EIF4ENIF1: variants seen among roughly 807,000 people sequenced by gnomAD.
EIF4ENIF1 encodes eukaryotic translation initiation factor 4E transporter.
EIF4ENIF1 carries 23 observed loss-of-function variants against 110.5 expected under a neutral mutation model. The ratio of observed to expected loss-of-function variants is 0.21; its 90% CI spans 0.15 to 0.29. The LOEUF is 0.29. EIF4ENIF1 is among the 10% of genes least tolerant of loss of function. EIF4ENIF1 has a pLI of 1.00. For synonymous variants in EIF4ENIF1, 440 were observed against 437.0 expected (o/e 1.01, Z -0.09); for missense variants, 1,031 against 1,221.1 (o/e 0.84, Z 2.32).
intron 4 of EIF4ENIF1, chr22:31,464,305 T>G: frequency 4.3e-6 from 1 of 230,026 alleles, no homozygotes; most frequent in Non-Finnish European, 8.5e-6. Context: ...TTTGAAAAAA[T>G]AACTGCTTAA....
At chr22:31,471,775 AT>A in intron 3 of EIF4ENIF1, 68 bp downstream of exon 3, 3 of 1,348,650 alleles carry the variant, frequency 2.2e-6, no homozygotes, top group Admixed American at 4.6e-5. Context: ...ACAATTCTTA[AT>A]TTACCAAGTT....
intron 2 of EIF4ENIF1, among the ~76,000 whole-genome samples, chr22:31,474,859 G>A (rs1203555836): frequency 6.6e-6 from 1 of 152,080 alleles, no homozygotes; most frequent in Non-Finnish European, 1.5e-5. Context: ...TTGCAAAAAA[G>A]CACATACCAC....
At chr22:31,467,396 G>C (rs2051226172) in intron 4 of EIF4ENIF1, among the ~76,000 whole-genome samples, 1 of 152,058 alleles carries the variant, frequency 6.6e-6, no homozygotes, top group African/African-American at 2.4e-5. Context: ...ATATTACCTG[G>C]TCTCCATTTC....
chr22:31,442,799 T>C (rs1471174526), intron 16 of EIF4ENIF1, among the ~76,000 whole-genome samples, 163 bp downstream of exon 16: 2 of 152,182 alleles, frequency 1.3e-5, no homozygotes, highest in African/African-American at 4.8e-5. Context: ...CCAATTCTTC[T>C]CACTGTCACA....
intron 1 of EIF4ENIF1, 137 bp downstream of exon 1, chr22:31,489,557 G>A (rs1433614502): frequency 3.6e-5 from 5 of 140,642 alleles, no homozygotes; most frequent in Admixed American, 7.1e-5. Flanking sequence ...TCGCGCCCCT[G>A]CCCACCCCCT....
intron 2 of EIF4ENIF1, chr22:31,479,360 CAAGAG>C (rs1006370697): frequency 5.9e-5 from 9 of 151,810 alleles, no homozygotes; most frequent in Admixed American, 1.3e-4. Flanking sequence ...CATGCCTGGA[CAAGAG>C]AAGAGTCTTT....
rs747824280 is a variant in EIF4ENIF1 at position 31,450,896 on chromosome 22, A to ACACACACAC, written c.1513-537_1513-536insGTGTGTGTG. ...ACACACACACACACACACACACACA[A>ACACACACAC]AAGAGACAGGGTCTTGTTCTGTTGC... On this transcript the variant is annotated intron_variant, in intron 10 of 18. Coordinates refer to ENST00000330125, the MANE Select transcript of EIF4ENIF1 (RefSeq NM_019843.4). The ACACACACAC allele has an allele frequency of 1.3e-3, 145 of 115,432 alleles. 1 individual carries two copies. The highest frequency in any genetic ancestry group is 7.8e-3 in the East Asian group (26 of 3,354). The allele number at this position is 115,432 out of a possible 1,614,324, so 7.2% of individuals were successfully genotyped here. A position where few individuals can be genotyped will look rare whatever the true frequency, so the allele number is the denominator to read the frequency against.
intron 2 of EIF4ENIF1, among the ~76,000 whole-genome samples, chr22:31,485,377 G>A (rs1318609485): frequency 1.3e-5 from 2 of 152,086 alleles, no homozygotes; most frequent in African/African-American, 4.8e-5. Flanking sequence ...CCTACCCTAA[G>A]AAAGAGAAAT....
upstream of EIF4ENIF1, chr22:31,490,069 G>A (rs984723005): frequency 3.3e-5 from 5 of 152,292 alleles, no homozygotes; most frequent in African/African-American, 1.2e-4. Flanking sequence ...GGTGGGGATA[G>A]CGGAAACCCG....
At chr22:31,454,955 T>C (rs568000784) in intron 9 of EIF4ENIF1, among the ~76,000 whole-genome samples, 181 bp downstream of exon 9, 26 of 152,294 alleles carry the variant, frequency 1.7e-4, no homozygotes, top group Middle Eastern at 6.8e-3. Context: ...CATGACCCAC[T>C]GTGAGATTCT....
intron 13 of EIF4ENIF1, among the ~76,000 whole-genome samples, chr22:31,447,776 G>A (rs751722998): frequency 2.0e-5 from 3 of 152,158 alleles, no homozygotes; most frequent in Non-Finnish European, 4.4e-5. Flanking sequence ...AACCTTCACT[G>A]AGCTTGAAAT....
intron 2 of EIF4ENIF1, among the ~76,000 whole-genome samples, chr22:31,477,390 AAG>A (rs1555910916): frequency 7.5e-6 from 1 of 133,650 alleles, no homozygotes; most frequent in Admixed American, 7.8e-5. Context: ...AAAACAAAAA[AAG>A]AGAATTTGAA....
At chr22:31,458,325 TCTCAAAACAAA>T in intron 7 of EIF4ENIF1, 139 bp downstream of exon 7, 1 of 543,770 alleles carries the variant, frequency 1.8e-6, no homozygotes, top group Non-Finnish European at 2.9e-6. Context: ...CCATTAAGCC[TCTCAAAACAAA>T]GCCAACAAAA....
chr22:31,491,025 G>T (rs1010096309), upstream of EIF4ENIF1, among the ~76,000 whole-genome samples: 8 of 151,846 alleles, frequency 5.3e-5, no homozygotes, highest in African/African-American at 1.2e-4. Flanking sequence ...CTTACAAACT[G>T]TTTTTTTACA....
At position 31,489,766 on chromosome 22, in the gene EIF4ENIF1, G is replaced by C. The variant is rs1289751180; in HGVS notation, c.-100C>G. On this transcript the variant is annotated 5_prime_UTR_variant, in exon 1 of 19. Transcript: ENST00000330125. ...CTCCCCGCTGCCCGCACCGGTCCCA[G>C]CGCCGCTCCCCGCAGCCTTCGCTCT... The C allele has an allele frequency of 6.6e-6, 1 of 151,802 alleles. No individual in the cohort carries two copies. Among genetic ancestry groups the C allele is most frequent in the East Asian group, 2.0e-4 (1 of 5,102 alleles). The allele number at this position is 151,802 out of a possible 1,614,324, so 9.4% of individuals were successfully genotyped here.
intron 4 of EIF4ENIF1, among the ~76,000 whole-genome samples, chr22:31,466,216 C>G (rs751192558): frequency 6.6e-6 from 1 of 152,188 alleles, no homozygotes; most frequent in African/African-American, 2.4e-5. Context: ...AGTTTAAGAC[C>G]AGCCTGGCCA....
chr22:31,452,302 C>T (rs2050697623), intron 10 of EIF4ENIF1, among the ~76,000 whole-genome samples: 1 of 152,304 alleles, frequency 6.6e-6, no homozygotes, highest in Non-Finnish European at 1.5e-5. Context: ...TGAGATAACA[C>T]CTGCTATTCT....
chr22:31,440,370 C>T (rs1034092279), intron 18 of EIF4ENIF1, among the ~76,000 whole-genome samples: 1 of 152,130 alleles, frequency 6.6e-6, no homozygotes, highest in Non-Finnish European at 1.5e-5. Flanking sequence ...GCTAAGTAAC[C>T]ACATCACAGA....
Position 31,463,934 on chromosome 22 carries a change from T to G in EIF4ENIF1, c.332A>C (p.Asp111Ala). The change falls in exon 5 of 19, where the codon GAT (aspartate) becomes GCT (alanine). Residue 111 changes from aspartate to alanine, a missense_variant. By Grantham distance (126) the Asp-to-Ala change is moderately radical (BLOSUM62 -2). Coordinates refer to ENST00000330125, the MANE Select transcript of EIF4ENIF1 (RefSeq NM_019843.4). ...PRERVKEDDL[D>A]VVLSPQRRSF... Reference sequence around the variant, plus strand: ...CCGTCTCTGAGGGCTGAGAACAACATCTAAGTCATCTTCTTTCACACGCTC... The same window carrying G: ...CCGTCTCTGAGGGCTGAGAACAACAGCTAAGTCATCTTCTTTCACACGCTC... The G allele has an allele frequency of 6.2e-7, 1 of 1,613,820 alleles. No individual in the cohort carries two copies. The highest frequency in any genetic ancestry group is 8.5e-7 in the Non-Finnish European group (1 of 1,179,910).
Sources: allele counts gnomAD v4.1 joint callset (sites outside exome capture counted in the v4.1 genomes callset), GRCh38; gene constraint gnomAD v4.1.1; transcripts MANE v1.5; gene names NCBI Gene and HGNC (gene_info 2026-07-23, HGNC 2026-07-21).